The following FRAS1 variants were observed in gnomAD, a reference collection of about 807,000 sequenced individuals.
The protein encoded by FRAS1 is Fraser extracellular matrix complex subunit 1, also known as extracellular matrix organizing protein FRAS1.
In FRAS1, 290 loss-of-function variants were observed where a neutral mutation model predicts 435.2. The ratio of observed to expected loss-of-function variants is 0.67; its 90% CI spans 0.61 to 0.73. The LOEUF (loss-of-function observed/expected upper bound fraction) is 0.73, where lower values mean the gene tolerates loss of function less well. Ranked by LOEUF, FRAS1 falls within the 30% of genes least tolerant of loss-of-function variation. The pLI, the probability that FRAS1 is intolerant of heterozygous loss-of-function variation, is 0.00. For synonymous variants in FRAS1, 1,800 were observed against 1,851.0 expected, an observed-to-expected ratio of 0.97 and a Z score of 0.71; for missense variants, 4,860 against 5,001.5, an observed-to-expected ratio of 0.97 and a Z score of 0.85.
intron 33 of FRAS1, among the ~76,000 whole-genome samples, chr4:78,419,893 TCTCACTCACTCA>T (rs745520188): frequency 6.6e-6 from 1 of 151,912 alleles, no homozygotes; most frequent in African/African-American, 2.4e-5. Context: ...TTGTTTAAAA[TCTCACTCACTCA>T]CTCACTCACT....
chr4:78,080,435 A>G (rs1740843323), intron 2 of FRAS1, among the ~76,000 whole-genome samples: 2 of 152,200 alleles, frequency 1.3e-5, no homozygotes, highest in South Asian at 2.1e-4. Flanking sequence ...TTGTAACTGT[A>G]TAGACTTAAA....
chr4:78,215,698 C>A (rs1042347211), intron 2 of FRAS1, among the ~76,000 whole-genome samples: 22 of 152,192 alleles, frequency 1.4e-4, no homozygotes, highest in Non-Finnish European at 2.8e-4. Flanking sequence ...ATAAGTGGAA[C>A]CATACAGCAT....
rs192833714 is a variant in FRAS1 at position 78,310,474 on chromosome 4, A to G, written c.1678+2265A>G. On this transcript the variant is annotated intron_variant, in intron 15 of 73. Transcript: ENST00000512123. ...TCTGCTTTATCTGTACACATTTTGA[A>G]AAACATCTCAAAGAAACTTCCAGGC... Among the ~76,000 whole-genome samples the G allele has an allele frequency of 4.2e-4, 64 of 152,316 alleles. 1 individual carries two copies. The East Asian group carries it at 9.1e-3, about 22-fold the overall frequency.
chr4:78,210,610 T>C (rs1269857865), intron 2 of FRAS1, among the ~76,000 whole-genome samples: 1 of 152,208 alleles, frequency 6.6e-6, no homozygotes, highest in African/African-American at 2.4e-5. Flanking sequence ...TCAGGGATAC[T>C]TGCATGCCCT....
At chr4:78,193,164 A>T (rs1298730018) in intron 2 of FRAS1, among the ~76,000 whole-genome samples, 1 of 152,110 alleles carries the variant, frequency 6.6e-6, no homozygotes, top group Non-Finnish European at 1.5e-5. Context: ...CTGTTCTTTT[A>T]CACTTGCCAA....
intron 40 of FRAS1, among the ~76,000 whole-genome samples, chr4:78,439,381 T>C (rs1001204317): frequency 6.6e-6 from 1 of 152,200 alleles, no homozygotes; most frequent in African/African-American, 2.4e-5. Context: ...CAATCTAATA[T>C]TGGCAGCAAC....
intron 2 of FRAS1, among the ~76,000 whole-genome samples, chr4:78,203,245 T>C (rs755225869): frequency 5.3e-5 from 8 of 152,158 alleles, no homozygotes; most frequent in Non-Finnish European, 7.3e-5. Context: ...TAAGTGTGGG[T>C]GCATGTTAGG....
At chr4:78,204,828 A>C (rs1486298564) in intron 2 of FRAS1, among the ~76,000 whole-genome samples, 1 of 152,250 alleles carries the variant, frequency 6.6e-6, no homozygotes, top group East Asian at 1.9e-4. Flanking sequence ...AATTTTGGGA[A>C]ACTTCTAAGC....
intron 2 of FRAS1, among the ~76,000 whole-genome samples, chr4:78,069,054 G>A (rs189072385): frequency 1.5e-4 from 23 of 152,318 alleles, no homozygotes; most frequent in Non-Finnish European, 8.8e-5. Context: ...GGGTGACAAA[G>A]GCTTCTAGTG....
intron 2 of FRAS1, among the ~76,000 whole-genome samples, chr4:78,228,999 A>G (rs1033907793): frequency 3.9e-5 from 6 of 152,194 alleles, no homozygotes; most frequent in African/African-American, 1.4e-4. Flanking sequence ...AAGTTTGCCT[A>G]TTGTACCATT....
intron 4 of FRAS1, 143 bp from the exon 5 acceptor site, chr4:78,252,249 A>G: frequency 1.4e-6 from 1 of 731,246 alleles, no homozygotes; most frequent in Non-Finnish European, 2.1e-6. Context: ...TCCACTCTCA[A>G]CCTTGCAAGC....
chr4:78,180,778 T>C (rs1721965525), intron 2 of FRAS1: 1 of 1,023,890 alleles, frequency 9.8e-7, no homozygotes, highest in Admixed American at 2.8e-5. Flanking sequence ...TTTTTTTTTT[T>C]TTAATTTGTC....
chr4:78,322,364 T>A (rs1047286068), intron 18 of FRAS1, among the ~76,000 whole-genome samples: 20 of 152,180 alleles, frequency 1.3e-4, no homozygotes, highest in Non-Finnish European at 2.5e-4. Context: ...AAAGGTTAGA[T>A]GGGTGTTGTG....
chr4:78,342,868 T>G (rs554372615), intron 20 of FRAS1, among the ~76,000 whole-genome samples: 28 of 152,314 alleles, frequency 1.8e-4, no homozygotes, highest in African/African-American at 6.5e-4. Context: ...TTTTGGGTAG[T>G]GAAAGTCTGG....
At chr4:78,218,098 T>TCTCACA (rs368430185) in intron 2 of FRAS1, among the ~76,000 whole-genome samples, 1,235 of 39,730 alleles carry the variant, frequency 0.031, 68 homozygotes, top group African/African-American at 0.062. Context: ...TCACTCTCTC[T>TCTCACA]CACACACACA....
At chr4:78,105,795 G>A (rs911335680) in intron 2 of FRAS1, among the ~76,000 whole-genome samples, 2 of 151,476 alleles carry the variant, frequency 1.3e-5, no homozygotes, top group African/African-American at 2.4e-5. Context: ...CAGCGTGAGC[G>A]ACGCAGAAGA....
chr4:78,455,692 G>T (rs1335148057), intron 47 of FRAS1, among the ~76,000 whole-genome samples: 3 of 152,142 alleles, frequency 2.0e-5, no homozygotes, highest in African/African-American at 7.2e-5. Flanking sequence ...GGAGCCATCT[G>T]CCTATGCGAA....
intron 33 of FRAS1, 54 bp downstream of exon 33, chr4:78,419,117 T>A (rs1733663567): frequency 2.0e-6 from 2 of 1,021,028 alleles, no homozygotes; most frequent in South Asian, 3.3e-5. Flanking sequence ...TCTAGTTTTT[T>A]ACCAGTCTTA....
chr4:78,307,883 T>C (rs345529), intron 14 of FRAS1, among the ~76,000 whole-genome samples, 183 bp from the exon 15 acceptor site: 100,243 of 152,144 alleles, frequency 0.66, 33,476 homozygotes, highest in Non-Finnish European at 0.69. Context: ...CTCCTCCCCC[T>C]AGAAACGGTT....
Sources: gnomAD v4.1 joint callset for allele counts (sites outside exome capture counted in the v4.1 genomes callset) on GRCh38, gnomAD v4.1.1 for gene constraint, MANE v1.5 for transcripts, NCBI Gene and HGNC (gene_info 2026-07-23, HGNC 2026-07-21) for gene names.